The following ALG8 variants were observed in gnomAD, a reference collection of about 807,000 sequenced individuals.
ALG8 encodes dolichyl pyrophosphate Glc1Man9GlcNAc2 alpha-1,3-glucosyltransferase.
In ALG8, 48 loss-of-function variants were observed where a neutral mutation model predicts 70.2. That is an observed-to-expected ratio of 0.68 (90% CI 0.54 to 0.87). ALG8 has a LOEUF of 0.87. Among genes scored for constraint, ALG8 ranks in the 40% least tolerant of loss-of-function variants. ALG8 has a pLI of 0.00. For synonymous variants in ALG8, 234 were observed against 229.0 expected (o/e 1.02, Z -0.20); for missense variants, 572 against 608.7 (o/e 0.94, Z 0.64).
chr11:78,112,834 A>C (rs1860363921), intron 7 of ALG8, 64 bp from the exon 8 acceptor site: 1 of 1,578,302 alleles, frequency 6.3e-7, no homozygotes. Flanking sequence ...CAAAAAGAGA[A>C]CTAGGGAACT....
intron 8 of ALG8, among the ~76,000 whole-genome samples, chr11:78,112,135 G>A (rs1350282975): frequency 6.6e-6 from 1 of 152,136 alleles, no homozygotes; most frequent in Admixed American, 6.6e-5. Context: ...AAATCAGCCA[G>A]GTGTGGTGGT....
intron 5 of ALG8, among the ~76,000 whole-genome samples, chr11:78,116,080 C>G (rs1193103582): frequency 6.6e-6 from 1 of 152,168 alleles, no homozygotes; most frequent in East Asian, 1.9e-4. Context: ...CAAACAAAGG[C>G]CAGGCGTGGT....
intron 3 of ALG8, among the ~76,000 whole-genome samples, chr11:78,122,327 G>C (rs897414655): frequency 6.6e-6 from 1 of 151,070 alleles, no homozygotes; most frequent in African/African-American, 2.4e-5. Flanking sequence ...TCTGGGAACT[G>C]ACACAGAGAT....
chr11:78,138,562 C>A (rs1007962036), intron 1 of ALG8: 1 of 372,516 alleles, frequency 2.7e-6, no homozygotes, highest in East Asian at 7.3e-5. Flanking sequence ...CAAGAGATCA[C>A]CAAGAGCCTG....
intron 1 of ALG8, among the ~76,000 whole-genome samples, chr11:78,136,489 A>C (rs1037502734): frequency 5.9e-5 from 9 of 152,202 alleles, no homozygotes; most frequent in Middle Eastern, 3.4e-3. Context: ...GTGAGCCATG[A>C]TGGTGCCGCT....
chr11:78,115,244 G>A (rs1310652512), intron 5 of ALG8, among the ~76,000 whole-genome samples: 1 of 152,116 alleles, frequency 6.6e-6, no homozygotes, highest in Non-Finnish European at 1.5e-5. Flanking sequence ...ATGTTGGCCA[G>A]GCTGGTCTCA....
At chr11:78,134,223 C>T (rs921375515) in intron 1 of ALG8, among the ~76,000 whole-genome samples, 2 of 151,234 alleles carry the variant, frequency 1.3e-5, no homozygotes, top group African/African-American at 4.9e-5. Context: ...CTACAACCTT[C>T]GCCTCCTGGG....
intron 5 of ALG8, among the ~76,000 whole-genome samples, chr11:78,116,933 CTTAT>C (rs1305686082): frequency 6.6e-6 from 1 of 152,114 alleles, no homozygotes; most frequent in Non-Finnish European, 1.5e-5. Flanking sequence ...AATTTTATAA[CTTAT>C]TTAAGATCTG....
intron 1 of ALG8, among the ~76,000 whole-genome samples, chr11:78,128,643 G>A (rs73501277): frequency 0.22 from 31,955 of 146,172 alleles, 4,263 homozygotes; most frequent in African/African-American, 0.38. Context: ...ACGGAGTCTC[G>A]CTCTGTTGCC....
Position 78,101,068 on chromosome 11 carries a change from A to G in ALG8, c.1477T>C (p.Leu493=). 1.9e-6 allele frequency: 3 copies of G among 1,614,258 alleles called. No homozygotes were observed. Among genetic ancestry groups the G allele is most frequent in the Non-Finnish European group, 2.5e-6 (3 of 1,180,040 alleles). Residue 493 remains leucine, a synonymous_variant, in exon 13 of 13, where the codon TTA becomes CTA. Transcript: ENST00000299626. ...ACTGCACAATACACTGAGGTTAGTA[A>G]CAAAGGGATGAAGGGGTACTTCACC... ...WKVKYPFIPL[L]LTSVYCAVGI... is the part of the protein sequence containing the mutation.
rs569746012 is a variant in ALG8 at position 78,138,331 on chromosome 11, A to G, written c.95+1163T>C. Among the ~76,000 whole-genome samples, 7 of 147,500 alleles carry G rather than the reference A, an allele frequency of 4.7e-5. No individual in the cohort carries two copies. The South Asian group carries it at 1.6e-3, about 34-fold the overall frequency. On this transcript the variant is annotated intron_variant, in intron 1 of 12. Transcript: ENST00000299626. ...GCCACTGTACTCCAGCCTGGGTGACAGAGTGGGACGAGACTGTCTCAAAAA... is the reference window on the plus strand; with the variant it reads ...GCCACTGTACTCCAGCCTGGGTGACGGAGTGGGACGAGACTGTCTCAAAAA...
intron 3 of ALG8, among the ~76,000 whole-genome samples, chr11:78,123,548 C>T (rs1055219793): frequency 7.2e-5 from 11 of 152,090 alleles, no homozygotes; most frequent in Non-Finnish European, 1.2e-4. Context: ...ACTAAAAGCA[C>T]TCAGTGAAAT....
In ALG8 at chr11:78,113,877, A is replaced by AAAAG; in HGVS notation, c.777+8_777+9insCTTT. On this transcript the variant is annotated intron_variant, in intron 7 of 12. Transcript: ENST00000299626. ...GTATTAATTGAAAAAAAAAAAAAAA[A>AAAAG]AGGCTTACCAAGGCCAGGAAAGGAC... 2 of 1,546,258 alleles carry AAAAG rather than the reference A, an allele frequency of 1.3e-6. No individual in the cohort carries two copies. Among genetic ancestry groups the AAAAG allele is most frequent in the Non-Finnish European group, 1.7e-6 (2 of 1,147,742 alleles).
At chr11:78,107,742 T>C (rs1353709567) in intron 9 of ALG8, 1 of 229,654 alleles carries the variant, frequency 4.4e-6, no homozygotes, top group South Asian at 4.9e-5. Context: ...CTCTGGAGGC[T>C]GAGGCAGGAG....
rs1859913651 is a variant in ALG8, at chr11:78,104,039, T to G, written c.1290A>C (p.Lys430Asn). Reference protein sequence around the residue: ...LLFTAPELPIKILLMLLFTIY... With the variant: ...LLFTAPELPINILLMLLFTIY... ...TGGTGAATAGTAACATGAGTAAGAT[T>G]TTAATGGGAAGTTCTGTTAAAAGAA... Residue 430 changes from lysine (K) to asparagine (N), a missense_variant, in exon 12 of 13, where the codon AAA (lysine) becomes AAC (asparagine). Transcript: ENST00000299626. 1 of 1,507,466 alleles carries G rather than the reference T, an allele frequency of 6.6e-7. No individual in the cohort carries two copies. Among genetic ancestry groups the G allele is most frequent in the African/African-American group, 1.4e-5 (1 of 72,782 alleles). The allele number at this position is 1,507,466 out of a possible 1,614,324, so 93.4% of individuals were successfully genotyped here.
chr11:78,115,011 CCTA>C (rs1431816879), intron 5 of ALG8, among the ~76,000 whole-genome samples: 1 of 151,850 alleles, frequency 6.6e-6, no homozygotes, highest in Non-Finnish European at 1.5e-5. Context: ...ATAAACAATA[CCTA>C]CTTTTTTAAA....
intron 1 of ALG8, among the ~76,000 whole-genome samples, chr11:78,132,878 C>A (rs1290724304): frequency 6.8e-6 from 1 of 147,700 alleles, no homozygotes; most frequent in African/African-American, 2.5e-5. Context: ...ACTCTGTCGA[C>A]CAGGTTGGAG....
intron 3 of ALG8, 103 bp downstream of exon 3, chr11:78,123,918 C>T: frequency 7.9e-7 from 1 of 1,266,866 alleles, no homozygotes; most frequent in Non-Finnish European, 1.1e-6. Flanking sequence ...CATTTGCTAT[C>T]ATATAAACTT....
At chr11:78,126,782 G>C (rs1861098539) in intron 2 of ALG8, among the ~76,000 whole-genome samples, 1 of 152,004 alleles carries the variant, frequency 6.6e-6, no homozygotes, top group Non-Finnish European at 1.5e-5. Flanking sequence ...CTAGATAGTG[G>C]CAGAGCCAGG....
Sources: allele counts gnomAD v4.1 joint callset (sites outside exome capture counted in the v4.1 genomes callset), GRCh38; gene constraint gnomAD v4.1.1; transcripts MANE v1.5; gene names NCBI Gene and HGNC (gene_info 2026-07-23, HGNC 2026-07-21).